The following ANKS1B variants were observed in gnomAD, a reference collection of about 807,000 sequenced individuals.
ANKS1B encodes ankyrin repeat and sterile alpha motif domain-containing protein 1B.
In ANKS1B, 36 loss-of-function variants were observed where a neutral mutation model predicts 148.3. The observed-to-expected ratio is 0.24, with a 90% CI of 0.19 to 0.32. The LOEUF is 0.32. Among genes scored for constraint, ANKS1B ranks in the 10% least tolerant of loss-of-function variants. The pLI is 1.00. For synonymous variants in ANKS1B, 542 were observed against 560.8 expected (o/e 0.97, Z 0.47); for missense variants, 1,157 against 1,542.6 (o/e 0.75, Z 4.19).
rs2097853498 is a variant in ANKS1B at position 98,745,212 on chromosome 12, A to G, written c.*527T>C. ...GGGGAAACAGAATCTCCTGGCAATC[A>G]TATCACGGGAGTTGTTTTTGTCCTT... On this transcript the variant is annotated 3_prime_UTR_variant, in exon 27 of 27. Transcript: ENST00000683438. 2 of 985,782 alleles carry G rather than the reference A, an allele frequency of 2.0e-6. No individual in the cohort carries two copies. Among genetic ancestry groups the G allele is most frequent in the Non-Finnish European group, 2.4e-6 (2 of 829,944 alleles). The allele number at this position is 985,782 out of a possible 1,614,324, so 61.1% of individuals were successfully genotyped here.
chr12:98,952,703 A>G (rs73139189), intron 17 of ANKS1B, among the ~76,000 whole-genome samples: 1,803 of 152,272 alleles, frequency 0.012, 20 homozygotes, highest in Non-Finnish European at 0.02. Context: ...GGTTTACCAG[A>G]AGTTTCCACT....
chr12:99,119,988 T>A (rs1436660650), intron 15 of ANKS1B, among the ~76,000 whole-genome samples: 1 of 152,190 alleles, frequency 6.6e-6, no homozygotes, highest in Non-Finnish European at 1.5e-5. Flanking sequence ...TATACATACA[T>A]TTAAGAAATA....
At position 99,959,054 on chromosome 12, in the gene ANKS1B, CTTTT is replaced by C. The variant is rs149006911; in HGVS notation, c.134+25046_134+25049del. On this transcript the variant is annotated intron_variant, in intron 1 of 26. Coordinates refer to ENST00000683438, the MANE Select transcript of ANKS1B (RefSeq NM_001352186.2). ...ATAATTTTTAAAACCAAAGAACATG[CTTTT>C]TTTTTTTTTTTTTTTGAGACAGAGT... Among the ~76,000 whole-genome samples, 98 of 120,982 alleles carry C rather than the reference CTTTT, an allele frequency of 8.1e-4. 1 individual carries two copies. The highest frequency in any genetic ancestry group is 1.1e-3 in the Non-Finnish European group (68 of 59,460). 79.4% of individuals were successfully genotyped at this position (120,982 alleles called of 152,430 possible). A position where few individuals can be genotyped will look rare whatever the true frequency, so the allele number is the denominator to read the frequency against.
chr12:98,782,073 T>C (rs1369178319), intron 23 of ANKS1B, 53 bp downstream of exon 23: 3 of 1,484,414 alleles, frequency 2.0e-6, no homozygotes, highest in African/African-American at 2.8e-5. Flanking sequence ...GTTTACTTCA[T>C]TGCCCTCTAT....
chr12:98,832,424 T>C (rs755534837), intron 17 of ANKS1B, among the ~76,000 whole-genome samples: 2 of 152,122 alleles, frequency 1.3e-5, no homozygotes, highest in Non-Finnish European at 2.9e-5. Context: ...AAACCAGCTC[T>C]TCTTATAAGC....
chr12:99,505,816 A>C (rs2096705961), intron 9 of ANKS1B, among the ~76,000 whole-genome samples: 1 of 151,938 alleles, frequency 6.6e-6, no homozygotes, highest in Admixed American at 6.6e-5. Context: ...TTACAAAAAA[A>C]CCCAAAGTAA....
chr12:99,034,966 G>A (rs1438272608), intron 17 of ANKS1B, among the ~76,000 whole-genome samples: 4 of 152,132 alleles, frequency 2.6e-5, no homozygotes, highest in Non-Finnish European at 4.4e-5. Flanking sequence ...CAGTTTGGGC[G>A]ATGAGGAAGG....
intron 12 of ANKS1B, among the ~76,000 whole-genome samples, chr12:99,395,816 C>T (rs188322527): frequency 3.3e-5 from 5 of 152,040 alleles, no homozygotes; most frequent in Admixed American, 2.0e-4. Context: ...TTGCAGCATA[C>T]GATTTATTTT....
chr12:99,410,578 A>G (rs11109826), intron 11 of ANKS1B, among the ~76,000 whole-genome samples: 40,910 of 152,076 alleles, frequency 0.27, 5,791 homozygotes, highest in East Asian at 0.5. Flanking sequence ...CTGAGGCAGG[A>G]GAATGGCGTG....
chr12:99,474,875 A>T (rs2096291753), intron 10 of ANKS1B, among the ~76,000 whole-genome samples: 1 of 152,016 alleles, frequency 6.6e-6, no homozygotes, highest in Non-Finnish European at 1.5e-5. Context: ...TACTATAAAT[A>T]TTGGGGAAAA....
chr12:99,641,027 C>G (rs1035826632), intron 9 of ANKS1B, among the ~76,000 whole-genome samples: 1 of 152,192 alleles, frequency 6.6e-6, no homozygotes, highest in Non-Finnish European at 1.5e-5. Context: ...ACCACTATAG[C>G]TGTATACTAT....
At chr12:99,713,137 G>T (rs1456940075) in intron 8 of ANKS1B, among the ~76,000 whole-genome samples, 1 of 152,144 alleles carries the variant, frequency 6.6e-6, no homozygotes, top group Non-Finnish European at 1.5e-5. Context: ...ACAAATATAT[G>T]CAGGATAATC....
chr12:99,214,944 AT>A (rs1219581321), intron 14 of ANKS1B, among the ~76,000 whole-genome samples: 2 of 152,204 alleles, frequency 1.3e-5, no homozygotes, highest in African/African-American at 4.8e-5. Context: ...GACTAGTGGC[AT>A]TTTGCCCCTG....
chr12:99,382,449 T>A (rs551230672), intron 12 of ANKS1B, among the ~76,000 whole-genome samples: 1 of 152,034 alleles, frequency 6.6e-6, no homozygotes, highest in Non-Finnish European at 1.5e-5. Context: ...ACACGTGTAA[T>A]CCCAGCACTT....
At chr12:98,811,952 T>TA (rs993142176) in intron 19 of ANKS1B, among the ~76,000 whole-genome samples, 1 of 152,018 alleles carries the variant, frequency 6.6e-6, no homozygotes, top group African/African-American at 2.4e-5. Flanking sequence ...CTTATTTCAT[T>TA]AAAAAAAATC....
intron 12 of ANKS1B, among the ~76,000 whole-genome samples, chr12:99,293,562 C>G (rs2080369123): frequency 6.6e-6 from 1 of 152,086 alleles, no homozygotes; most frequent in Non-Finnish European, 1.5e-5. Flanking sequence ...AGATTTCAAG[C>G]TATGAAACTA....
chr12:99,866,050 AGC>A (rs1418509734), intron 1 of ANKS1B, among the ~76,000 whole-genome samples: 1 of 152,190 alleles, frequency 6.6e-6, no homozygotes, highest in Non-Finnish European at 1.5e-5. Flanking sequence ...TCCCAGAAAT[AGC>A]GCTCCAACAA....
rs1018674295 is a variant in ANKS1B at position 98,744,546 on chromosome 12, T to C, written c.*1193A>G. 3.3e-6 allele frequency: 2 copies of C among 601,244 alleles called. No homozygotes were observed. The highest frequency in any genetic ancestry group is 4.0e-5 in the African/African-American group (2 of 49,928). The allele number at this position is 601,244 out of a possible 1,614,324, so 37.2% of individuals were successfully genotyped here. A position where few individuals can be genotyped will look rare whatever the true frequency, so the allele number is the denominator to read the frequency against. The stretch of plus-strand genomic sequence containing the variant: ...TACATAAATATACATTATGGTATCA[T>C]ACAAATACTCCACAGAGACATTAAA... On this transcript the variant is annotated 3_prime_UTR_variant, in exon 27 of 27. Transcript: ENST00000683438.
At chr12:98,899,581 C>T (rs771183897) in intron 17 of ANKS1B, among the ~76,000 whole-genome samples, 24 of 152,260 alleles carry the variant, frequency 1.6e-4, no homozygotes, top group Admixed American at 7.2e-4. Context: ...CACCTGTGGA[C>T]GGCAGTTTCG....
Sources: gnomAD v4.1 joint callset for allele counts (sites outside exome capture counted in the v4.1 genomes callset) on GRCh38, gnomAD v4.1.1 for gene constraint, MANE v1.5 for transcripts, NCBI Gene and HGNC (gene_info 2026-07-23, HGNC 2026-07-21) for gene names.